The following DPY19L2 variants were observed in gnomAD, a reference collection of about 807,000 sequenced individuals.
DPY19L2 encodes dpy-19 like 2.
Under a neutral mutation model 97.9 loss-of-function variants are expected in DPY19L2, and 34 were observed. The ratio of observed to expected loss-of-function variants is 0.35; its 90% CI spans 0.26 to 0.46. The LOEUF is 0.46. Ranked by LOEUF, DPY19L2 falls within the 20% of genes least tolerant of loss-of-function variation. DPY19L2 has a pLI of 1.00. For missense variants in DPY19L2, 623 were observed against 911.4 expected, an observed-to-expected ratio of 0.68 and a Z score of 4.07; for synonymous variants, 230 against 307.9, an observed-to-expected ratio of 0.75 and a Z score of 2.65.
At chr12:63,639,874 T>A (rs1185809767) in intron 6 of DPY19L2, among the ~76,000 whole-genome samples, 1 of 152,144 alleles carries the variant, frequency 6.6e-6, no homozygotes, top group Non-Finnish European at 1.5e-5. Flanking sequence ...GGATTATAAA[T>A]CATGCTGCTA....
intron 13 of DPY19L2, among the ~76,000 whole-genome samples, chr12:63,598,169 TAAAG>T (rs1207639817): frequency 2.0e-5 from 3 of 151,930 alleles, no homozygotes; most frequent in South Asian, 2.1e-4. Context: ...GAGAAGATGA[TAAAG>T]AGTGAGCTAA....
chr12:63,604,489 A>G (rs2137608521), intron 12 of DPY19L2, among the ~76,000 whole-genome samples: 1 of 152,156 alleles, frequency 6.6e-6, no homozygotes. Context: ...CAAATATTAG[A>G]TCTTTTGTTA....
intron 19 of DPY19L2, among the ~76,000 whole-genome samples, chr12:63,576,955 A>G (rs957168465): frequency 1.3e-5 from 2 of 152,044 alleles, no homozygotes; most frequent in Non-Finnish European, 2.9e-5. Flanking sequence ...ATTCGAAAAC[A>G]CAAAAGACCT....
chr12:63,663,655 A>G, intron 3 of DPY19L2, 103 bp downstream of exon 3: 5 of 946,318 alleles, frequency 5.3e-6, no homozygotes, highest in Non-Finnish European at 8.0e-6. Context: ...CTTATGAAAC[A>G]GTGCAGTTGA....
intron 13 of DPY19L2, among the ~76,000 whole-genome samples, chr12:63,598,656 A>G (rs1171429654): frequency 2.0e-5 from 3 of 152,176 alleles, no homozygotes; most frequent in Admixed American, 2.0e-4. Flanking sequence ...AAATTATTTT[A>G]TAACAAATTT....
At chr12:63,586,374 G>A (rs1881801701) in intron 16 of DPY19L2, among the ~76,000 whole-genome samples, 2 of 152,078 alleles carry the variant, frequency 1.3e-5, no homozygotes, top group Non-Finnish European at 2.9e-5. Flanking sequence ...AAAGATTGCT[G>A]GTGTCTTTAA....
chr12:63,667,299 A>C (rs929444457), intron 1 of DPY19L2, among the ~76,000 whole-genome samples: 3 of 152,128 alleles, frequency 2.0e-5, no homozygotes, highest in African/African-American at 7.2e-5. Context: ...TCTTCAGATG[A>C]TATATAAGGA....
intron 12 of DPY19L2, among the ~76,000 whole-genome samples, chr12:63,603,591 A>C (rs916096303): frequency 1.3e-5 from 2 of 151,966 alleles, no homozygotes; most frequent in Non-Finnish European, 2.9e-5. Context: ...CTCACTGTTC[A>C]GCTCCCACTT....
At chr12:63,588,472 T>A (rs1040205010) in intron 16 of DPY19L2, among the ~76,000 whole-genome samples, 8 of 152,130 alleles carry the variant, frequency 5.3e-5, no homozygotes, top group Non-Finnish European at 1.5e-5. Context: ...ATACTTATAG[T>A]CCACAATACT....
intron 13 of DPY19L2, among the ~76,000 whole-genome samples, chr12:63,598,412 A>G (rs1884610863): frequency 6.6e-6 from 1 of 152,162 alleles, no homozygotes; most frequent in Non-Finnish European, 1.5e-5. Context: ...CCTGATCCTC[A>G]TAAGAATTAC....
rs533693068 is a variant in DPY19L2, at chr12:63,616,331, G to A, written c.1218+973C>T. ...TATTAGGAGTCCTCTACTCTGTAAT[G>A]GTGAAATAGTTTGACAAAATGTTGG... On this transcript the variant is annotated intron_variant, in intron 11 of 21. Transcript: ENST00000324472. Among the ~76,000 whole-genome samples the A allele has an allele frequency of 4.2e-3, 637 of 152,254 alleles. 8 individuals carry two copies. The highest frequency in any genetic ancestry group is 0.015 in the African/African-American group (603 of 41,540).
intron 18 of DPY19L2, among the ~76,000 whole-genome samples, chr12:63,581,779 G>C (rs1335421349): frequency 1.3e-5 from 2 of 149,456 alleles, no homozygotes; most frequent in Non-Finnish European, 3.0e-5. Context: ...CACTGTGCCT[G>C]GCCACCAGGA....
At chr12:63,652,792 G>A (rs1469342379) in intron 4 of DPY19L2, among the ~76,000 whole-genome samples, 2 of 152,204 alleles carry the variant, frequency 1.3e-5, no homozygotes, top group African/African-American at 2.4e-5. Flanking sequence ...GGTATGAGGA[G>A]GGTGAGGACT....
Position 63,612,259 on chromosome 12 carries a change from G to A in DPY19L2, c.1219-3584C>T, listed in dbSNP as rs11504148. On this transcript the variant is annotated intron_variant, in intron 11 of 21. Transcript: ENST00000324472. ...TGCACTAAAGGAAATGTTAAAGGAG[G>A]TCTTTCAGACAGCAGGAATACAGTA... 5.0e-3 allele frequency among the ~76,000 whole-genome samples: 767 copies of A among 152,112 alleles called. 6 individuals are homozygous for A. The highest frequency in any genetic ancestry group is 0.018 in the African/African-American group (742 of 41,532).
chr12:63,604,819 A>C (rs1038293312), intron 12 of DPY19L2, among the ~76,000 whole-genome samples: 2 of 152,120 alleles, frequency 1.3e-5, no homozygotes, highest in Non-Finnish European at 2.9e-5. Flanking sequence ...TAATCCCCAC[A>C]TCCTATTCAT....
intron 3 of DPY19L2, among the ~76,000 whole-genome samples, chr12:63,663,244 C>T (rs1895915801): frequency 6.6e-6 from 1 of 152,164 alleles, no homozygotes; most frequent in Non-Finnish European, 1.5e-5. Context: ...ATCCCGCTTA[C>T]TCCTCACAAT....
intron 21 of DPY19L2, among the ~76,000 whole-genome samples, chr12:63,567,472 G>T (rs1019442006): frequency 6.6e-6 from 1 of 151,768 alleles, no homozygotes; most frequent in African/African-American, 2.4e-5. Context: ...CTCAATTTTT[G>T]TGCTACATGT....
chr12:63,582,314 T>A lies in DPY19L2; in HGVS notation c.1725+92A>T, dbSNP rs966154714. Reference sequence around the variant, plus strand: ...TTAAGTTAAAAACACTTAGTGTGTTTATATTTTGAATTAGTCAGCAAAGCC... The same window carrying A: ...TTAAGTTAAAAACACTTAGTGTGTTAATATTTTGAATTAGTCAGCAAAGCC... On this transcript the variant is annotated intron_variant, in intron 18 of 21. Coordinates refer to ENST00000324472, the MANE Select transcript of DPY19L2 (RefSeq NM_173812.5). 1.1e-5 allele frequency: 15 copies of A among 1,347,574 alleles called. No individual in the cohort carries two copies. In the African/African-American group the frequency reaches 2.2e-4, roughly 20 times the overall value. 83.5% of individuals were successfully genotyped at this position (1,347,574 alleles called of 1,614,324 possible). A position where few individuals can be genotyped will look rare whatever the true frequency, so the allele number is the denominator to read the frequency against.
intron 21 of DPY19L2, 47 bp downstream of exon 21, chr12:63,569,177 G>A: frequency 6.5e-7 from 1 of 1,536,434 alleles, no homozygotes; most frequent in Non-Finnish European, 8.7e-7. Flanking sequence ...TGAAACATTT[G>A]TTGCTCAAAA....
Sources: gnomAD v4.1 joint callset for allele counts (sites outside exome capture counted in the v4.1 genomes callset) on GRCh38, gnomAD v4.1.1 for gene constraint, MANE v1.5 for transcripts, NCBI Gene and HGNC (gene_info 2026-07-23, HGNC 2026-07-21) for gene names.